The following SIL1 variants were observed in gnomAD, a reference collection of about 807,000 sequenced individuals.
SIL1 encodes the protein SIL1 nucleotide exchange factor.
In SIL1, 40 loss-of-function variants were observed where a neutral mutation model predicts 49.1. The ratio of observed to expected loss-of-function variants is 0.81; its 90% CI spans 0.63 to 1.06. SIL1 has a LOEUF of 1.06. Ranked by LOEUF, SIL1 falls within the 50% of genes least tolerant of loss-of-function variation. The pLI is 0.00. For missense variants in SIL1, 500 were observed against 572.6 expected (o/e 0.87, Z 1.29); for synonymous variants, 253 against 250.8 (o/e 1.01, Z -0.08).
intron 1 of SIL1, among the ~76,000 whole-genome samples, chr5:139,186,050 T>A (rs1304137549): frequency 6.6e-6 from 1 of 152,216 alleles, no homozygotes; most frequent in East Asian, 1.9e-4. Context: ...TGGGACCTTA[T>A]GCTGCACCAG....
intron 7 of SIL1, among the ~76,000 whole-genome samples, chr5:138,960,605 GTTTTGT>G (rs747745379): frequency 2.0e-3 from 305 of 151,932 alleles, no homozygotes; most frequent in African/African-American, 6.4e-3. Flanking sequence ...GCCCAGTTTT[GTTTTGT>G]TTTTGTTTTT....
chr5:139,045,119 G>A (rs1330927466), intron 4 of SIL1, among the ~76,000 whole-genome samples: 4 of 152,182 alleles, frequency 2.6e-5, no homozygotes, highest in Non-Finnish European at 5.9e-5. Context: ...CACTTTGGGA[G>A]GCTGAGGAGG....
intron 5 of SIL1, among the ~76,000 whole-genome samples, chr5:139,032,180 T>TTAAGTATAATATTCCATGCAGGCAAAGTA (rs1768808643): frequency 6.6e-6 from 1 of 152,362 alleles, no homozygotes; most frequent in Non-Finnish European, 1.5e-5. Flanking sequence ...GTATTCAGTC[T>TTAAGTATAATATTCCATGCAGGCAAAGTA]TTCACTGTTA....
At chr5:138,963,501 T>C (rs1488921591) in intron 7 of SIL1, among the ~76,000 whole-genome samples, 2 of 152,216 alleles carry the variant, frequency 1.3e-5, no homozygotes, top group Non-Finnish European at 2.9e-5. Context: ...GCAATGATCG[T>C]AGGACGGTCT....
At chr5:138,951,756 G>A in intron 8 of SIL1, 32 bp downstream of exon 8, 1 of 1,596,058 alleles carries the variant, frequency 6.3e-7, no homozygotes, top group Non-Finnish European at 8.6e-7. Context: ...GTGTCCTGGA[G>A]GCTGGGCAGG....
chr5:139,071,624 A>G (rs939840117), intron 3 of SIL1, among the ~76,000 whole-genome samples: 3 of 151,842 alleles, frequency 2.0e-5, no homozygotes, highest in Non-Finnish European at 4.4e-5. Context: ...TTCTATAATT[A>G]GGATTTTTTT....
intron 3 of SIL1, among the ~76,000 whole-genome samples, chr5:139,120,539 G>T (rs1389101842): frequency 1.3e-5 from 2 of 152,130 alleles, no homozygotes; most frequent in South Asian, 2.1e-4. Flanking sequence ...CTCATGAAAG[G>T]GTTAGAAAAT....
At chr5:139,116,894 G>A (rs929161323) in intron 3 of SIL1, among the ~76,000 whole-genome samples, 6 of 152,196 alleles carry the variant, frequency 3.9e-5, no homozygotes, top group Non-Finnish European at 7.3e-5. Context: ...CATCATCTCT[G>A]CGAAGTAGGT....
At chr5:139,154,288 C>G (rs1751365552) in intron 1 of SIL1, among the ~76,000 whole-genome samples, 1 of 152,236 alleles carries the variant, frequency 6.6e-6, no homozygotes, top group Non-Finnish European at 1.5e-5. Context: ...ACTGCTTCCT[C>G]TTACAGATCC....
chr5:139,195,964 C>T (rs1258964713), intron 1 of SIL1, among the ~76,000 whole-genome samples: 1 of 152,136 alleles, frequency 6.6e-6, no homozygotes, highest in East Asian at 1.9e-4. Flanking sequence ...ACAGAAGAAT[C>T]GCTTGAGGCC....
intron 7 of SIL1, among the ~76,000 whole-genome samples, chr5:139,008,543 A>G (rs1768175971): frequency 7.0e-6 from 1 of 143,642 alleles, no homozygotes; most frequent in Non-Finnish European, 1.5e-5. Flanking sequence ...AGTTCTTTTA[A>G]TTGTGGTGTT....
Position 139,190,319 on chromosome 5 carries a change from G to C in SIL1, c.-11+7950C>G, listed in dbSNP as rs148277464. ...CTATTTGTTTCTAACACGGAGGAAG[G>C]CTTCAAATTCATTTCCTCTGAGGTA... On this transcript the variant is annotated intron_variant, in intron 1 of 9. Coordinates refer to ENST00000394817, the MANE Select transcript of SIL1 (RefSeq NM_022464.5). 3.8e-3 allele frequency among the ~76,000 whole-genome samples: 581 copies of C among 152,284 alleles called. 6 individuals carry two copies. The highest frequency in any genetic ancestry group is 0.012 in the African/African-American group (494 of 41,548).
At chr5:139,038,000 C>A (rs1440538550) in intron 5 of SIL1, among the ~76,000 whole-genome samples, 1 of 152,208 alleles carries the variant, frequency 6.6e-6, no homozygotes, top group Non-Finnish European at 1.5e-5. Context: ...CAGATAATCA[C>A]CTTCTAGCTG....
intron 7 of SIL1, among the ~76,000 whole-genome samples, chr5:139,001,130 CA>C (rs146003522): frequency 0.023 from 3,549 of 151,842 alleles, 130 homozygotes; most frequent in African/African-American, 0.081. Context: ...AGAGTAAATT[CA>C]AAAGAAGAAT....
intron 3 of SIL1, among the ~76,000 whole-genome samples, chr5:139,078,709 T>C (rs537897996): frequency 1.6e-4 from 24 of 152,392 alleles, no homozygotes; most frequent in South Asian, 2.1e-4. Context: ...CCTGGCATTA[T>C]TGCCAGTGGC....
intron 1 of SIL1, among the ~76,000 whole-genome samples, chr5:139,190,430 G>A (rs1351520876): frequency 6.6e-6 from 1 of 152,184 alleles, no homozygotes; most frequent in Non-Finnish European, 1.5e-5. Flanking sequence ...ATAAGATCAT[G>A]TACAAGGCAG....
chr5:139,177,343 G>A (rs960986796), intron 1 of SIL1, among the ~76,000 whole-genome samples: 2 of 152,028 alleles, frequency 1.3e-5, no homozygotes, highest in African/African-American at 2.4e-5. Flanking sequence ...GCTTTCAAGC[G>A]ATTCTGCTAT....
At chr5:138,995,969 C>G (rs1767861872) in intron 7 of SIL1, among the ~76,000 whole-genome samples, 1 of 152,170 alleles carries the variant, frequency 6.6e-6, no homozygotes, top group Non-Finnish European at 1.5e-5. Context: ...TTCCATATTT[C>G]AGATATTGTG....
At chr5:139,178,882 A>C (rs528187491) in intron 1 of SIL1, among the ~76,000 whole-genome samples, 3 of 152,278 alleles carry the variant, frequency 2.0e-5, no homozygotes, top group African/African-American at 7.2e-5. Flanking sequence ...ACATTTGTTG[A>C]CTGAAAAAAT....
Sources: gnomAD v4.1 joint callset for allele counts (sites outside exome capture counted in the v4.1 genomes callset) on GRCh38, gnomAD v4.1.1 for gene constraint, MANE v1.5 for transcripts, NCBI Gene and HGNC (gene_info 2026-07-23, HGNC 2026-07-21) for gene names.